TMC1: variants seen among roughly 807,000 people sequenced by gnomAD.
TMC1 encodes transmembrane channel-like protein 1.
TMC1 carries 84 observed loss-of-function variants against 105.8 expected under a neutral mutation model. The ratio of observed to expected loss-of-function variants is 0.79; its 90% CI spans 0.67 to 0.95. The LOEUF is 0.95. Ranked by LOEUF, TMC1 falls within the 40% of genes least tolerant of loss-of-function variation. The pLI is 0.00. For synonymous variants in TMC1, 315 were observed against 311.5 expected (o/e 1.01, Z -0.12); for missense variants, 817 against 914.1 (o/e 0.89, Z 1.37).
chr9:72,789,830 G>A (rs1332377096), intron 15 of TMC1, among the ~76,000 whole-genome samples: 1 of 152,084 alleles, frequency 6.6e-6, no homozygotes, highest in Non-Finnish European at 1.5e-5. Context: ...TCCACCTTTG[G>A]GCATGTCTGG....
intron 18 of TMC1, among the ~76,000 whole-genome samples, chr9:72,815,177 G>A (rs188954929): frequency 1.3e-5 from 2 of 152,096 alleles, no homozygotes; most frequent in East Asian, 3.9e-4. Flanking sequence ...TTGCTAATTA[G>A]CATTTACTCC....
At chr9:72,718,518 C>T (rs1826961267) in intron 8 of TMC1, among the ~76,000 whole-genome samples, 1 of 152,184 alleles carries the variant, frequency 6.6e-6, no homozygotes, top group Non-Finnish European at 1.5e-5. Flanking sequence ...TCTGGGCTGG[C>T]ACTGGGGGAT....
chr9:72,743,152 G>T (rs1006878877), intron 10 of TMC1, among the ~76,000 whole-genome samples: 1 of 151,840 alleles, frequency 6.6e-6, no homozygotes, highest in African/African-American at 2.4e-5. Flanking sequence ...CGGATCACGA[G>T]GTCAGGAGAT....
At chr9:72,556,796 G>A (rs1317090936) in intron 1 of TMC1, among the ~76,000 whole-genome samples, 1 of 152,044 alleles carries the variant, frequency 6.6e-6, no homozygotes, top group Non-Finnish European at 1.5e-5. Context: ...ACTCTAGCCT[G>A]GGAGATAGAG....
intron 3 of TMC1, among the ~76,000 whole-genome samples, chr9:72,623,668 A>G (rs963562532): frequency 2.6e-5 from 4 of 152,098 alleles, no homozygotes; most frequent in Non-Finnish European, 2.9e-5. Context: ...CTGGGCGGCG[A>G]ACCATGTATC....
chr9:72,543,326 C>T (rs1823708709), intron 1 of TMC1, among the ~76,000 whole-genome samples: 1 of 152,202 alleles, frequency 6.6e-6, no homozygotes, highest in African/African-American at 2.4e-5. Flanking sequence ...TCCTGCATCT[C>T]AGGTCTATGT....
At chr9:72,583,805 A>G (rs927744892) in intron 2 of TMC1, among the ~76,000 whole-genome samples, 2 of 152,214 alleles carry the variant, frequency 1.3e-5, no homozygotes, top group Non-Finnish European at 2.9e-5. Flanking sequence ...TAGTTTACAA[A>G]ATATGCCATT....
intron 2 of TMC1, among the ~76,000 whole-genome samples, chr9:72,592,415 T>C (rs1293096187): frequency 1.3e-5 from 2 of 152,186 alleles, no homozygotes; most frequent in African/African-American, 4.8e-5. Flanking sequence ...CTCTTATCAT[T>C]GGTGTCAAAG....
At chr9:72,794,372 T>G (rs892094323) in intron 17 of TMC1, among the ~76,000 whole-genome samples, 2 of 152,130 alleles carry the variant, frequency 1.3e-5, no homozygotes, top group Non-Finnish European at 2.9e-5. Flanking sequence ...AAATCTACAC[T>G]TTCAGAGCAT....
At chr9:72,576,922 C>A (rs1467993859) in intron 1 of TMC1, among the ~76,000 whole-genome samples, 2 of 151,272 alleles carry the variant, frequency 1.3e-5, no homozygotes, top group Non-Finnish European at 2.9e-5. Flanking sequence ...AGCCACCGCG[C>A]CCGGTGCCCT....
At chr9:72,556,870 G>A (rs1823950478) in intron 1 of TMC1, among the ~76,000 whole-genome samples, 1 of 151,796 alleles carries the variant, frequency 6.6e-6, no homozygotes, top group South Asian at 2.1e-4. Flanking sequence ...CTTGAGCAGG[G>A]CAATTTCACC....
intron 8 of TMC1, among the ~76,000 whole-genome samples, chr9:72,709,907 GGTTTGGTTTGTTTTTCTA>G (rs1826807224): frequency 1.3e-5 from 2 of 151,894 alleles, no homozygotes; most frequent in Admixed American, 6.6e-5. Flanking sequence ...CTACTATTTG[GGTTTGGTTTGTTTTTCTA>G]GTTCCTTGAG....
chr9:72,801,919 G>A (rs1828479435), intron 17 of TMC1, among the ~76,000 whole-genome samples: 2 of 152,144 alleles, frequency 1.3e-5, no homozygotes, highest in Admixed American at 1.3e-4. Flanking sequence ...GTCACTGCTT[G>A]GGAAGGAATA....
intron 8 of TMC1, among the ~76,000 whole-genome samples, chr9:72,730,060 A>G (rs1477524403): frequency 6.6e-6 from 1 of 152,178 alleles, no homozygotes; most frequent in Admixed American, 6.5e-5. Context: ...CTTCATAGAT[A>G]AAATATATAT....
At chr9:72,743,027 G>A (rs1256736119) in intron 10 of TMC1, among the ~76,000 whole-genome samples, 1 of 152,128 alleles carries the variant, frequency 6.6e-6, no homozygotes, top group Non-Finnish European at 1.5e-5. Context: ...CTTGAGGTCA[G>A]GAGTTCGAGA....
At chr9:72,712,149 C>G (rs1826847638) in intron 8 of TMC1, among the ~76,000 whole-genome samples, 1 of 152,090 alleles carries the variant, frequency 6.6e-6, no homozygotes, top group Non-Finnish European at 1.5e-5. Flanking sequence ...GGTACCAGTA[C>G]CATGCTGTTT....
At chr9:72,665,316 G>A (rs998435282) in intron 5 of TMC1, among the ~76,000 whole-genome samples, 2 of 152,150 alleles carry the variant, frequency 1.3e-5, no homozygotes, top group African/African-American at 2.4e-5. Context: ...GGTATAAGAA[G>A]AGATATTTCT....
chr9:72,733,436 C>T lies in TMC1; in HGVS notation c.363-6683C>T, dbSNP rs76982676. Among the ~76,000 whole-genome samples, 29 of 152,152 alleles carry T rather than the reference C, an allele frequency of 1.9e-4. 1 individual carries two copies. Among genetic ancestry groups the T allele is most frequent in the African/African-American group, 7.0e-4 (29 of 41,504 alleles). ...ACAATTCCCACTTTCAATGGGGTAACAGTCTGAGGGGAAATGGGCTAGGGT... is the reference window on the plus strand; with the variant it reads ...ACAATTCCCACTTTCAATGGGGTAATAGTCTGAGGGGAAATGGGCTAGGGT... On this transcript the variant is annotated intron_variant, in intron 8 of 23. Transcript: ENST00000297784.
chr9:72,783,227 C>CG (rs1196382722), intron 13 of TMC1, among the ~76,000 whole-genome samples: 2 of 151,940 alleles, frequency 1.3e-5, no homozygotes, highest in Admixed American at 6.6e-5. Flanking sequence ...CGTGTTAGGC[C>CG]GTCTGCAAGC....
Sources: gnomAD v4.1 joint callset for allele counts (sites outside exome capture counted in the v4.1 genomes callset) on GRCh38, gnomAD v4.1.1 for gene constraint, MANE v1.5 for transcripts, NCBI Gene and HGNC (gene_info 2026-07-23, HGNC 2026-07-21) for gene names.